Variants in AP3B1 observed in about 807,000 individuals in gnomAD.
The protein encoded by AP3B1 is AP-3 complex subunit beta-1.
AP3B1 carries 61 observed loss-of-function variants against 132.5 expected under a neutral mutation model. The ratio of observed to expected loss-of-function variants is 0.46; its 90% CI spans 0.37 to 0.57. The LOEUF is 0.57. Among genes scored for constraint, AP3B1 ranks in the 20% least tolerant of loss-of-function variants. The pLI is 0.00. For synonymous variants in AP3B1, 388 were observed against 438.3 expected, an observed-to-expected ratio of 0.89 and a Z score of 1.43; for missense variants, 1,120 against 1,289.4, an observed-to-expected ratio of 0.87 and a Z score of 2.01.
intron 2 of AP3B1, among the ~76,000 whole-genome samples, chr5:78,244,872 G>A (rs1183914194): frequency 1.3e-5 from 2 of 152,176 alleles, no homozygotes; most frequent in Admixed American, 1.3e-4. Context: ...GTACGTGCCT[G>A]TAATCCCAGC....
At chr5:78,038,175 G>A (rs988573675) in intron 23 of AP3B1, among the ~76,000 whole-genome samples, 3 of 152,110 alleles carry the variant, frequency 2.0e-5, no homozygotes, top group East Asian at 1.9e-4. Flanking sequence ...CATATTTTAC[G>A]CTCTGCTCCA....
At chr5:78,190,721 A>C (rs1744791841) in intron 7 of AP3B1, among the ~76,000 whole-genome samples, 1 of 152,208 alleles carries the variant, frequency 6.6e-6, no homozygotes, top group Non-Finnish European at 1.5e-5. Flanking sequence ...AGATTGAATC[A>C]GTTTATTGAA....
chr5:78,206,317 G>A (rs1561476770), intron 7 of AP3B1, among the ~76,000 whole-genome samples: 1 of 152,042 alleles, frequency 6.6e-6, no homozygotes, highest in Admixed American at 6.6e-5. Context: ...AACAGGAGGT[G>A]TACTCCTGAG....
At chr5:78,006,854 T>C (rs540679227) in intron 26 of AP3B1, among the ~76,000 whole-genome samples, 2 of 152,354 alleles carry the variant, frequency 1.3e-5, no homozygotes, top group East Asian at 3.9e-4. Flanking sequence ...TCTTTGTCTA[T>C]TATCTCCAGC....
intron 19 of AP3B1, among the ~76,000 whole-genome samples, chr5:78,111,855 A>G (rs1751606379): frequency 6.6e-6 from 1 of 152,158 alleles, no homozygotes; most frequent in South Asian, 2.1e-4. Flanking sequence ...TTATTATCCC[A>G]TTTACAATAA....
chr5:78,146,276 C>T (rs1753388415), intron 14 of AP3B1, among the ~76,000 whole-genome samples: 1 of 152,186 alleles, frequency 6.6e-6, no homozygotes, highest in Non-Finnish European at 1.5e-5. Flanking sequence ...TGCTACATCC[C>T]TCATCACCTT....
intron 6 of AP3B1, among the ~76,000 whole-genome samples, chr5:78,220,597 C>G (rs1288263991): frequency 6.6e-6 from 1 of 151,002 alleles, no homozygotes. Flanking sequence ...GGAAAAGATT[C>G]TTGGTAGATC....
chr5:78,023,109 A>C (rs1194339289), intron 24 of AP3B1, among the ~76,000 whole-genome samples: 11 of 152,214 alleles, frequency 7.2e-5, no homozygotes, highest in Admixed American at 6.5e-4. Context: ...CTGGTGATGA[A>C]TGGAGGGAAG....
chr5:78,226,846 T>C (rs542032659), intron 5 of AP3B1, among the ~76,000 whole-genome samples: 1 of 152,194 alleles, frequency 6.6e-6, no homozygotes, highest in South Asian at 2.1e-4. Flanking sequence ...TTCTAAAATA[T>C]CACACAGATA....
chr5:78,165,731 A>G lies in AP3B1; in HGVS notation c.1168-59T>C, dbSNP rs77076053. 825 of 1,136,264 alleles carry G rather than the reference A, an allele frequency of 7.3e-4. 5 individuals are homozygous for G. The East Asian group carries it at 0.017, about 24-fold the overall frequency. The allele number at this position is 1,136,264 out of a possible 1,614,324, so 70.4% of individuals were successfully genotyped here. ...AAACAAAGGTAGCAAGATGAATTTAATAGAGTACAGACATTTAATTGAAAG... is the reference window on the plus strand; with the variant it reads ...AAACAAAGGTAGCAAGATGAATTTAGTAGAGTACAGACATTTAATTGAAAG... On this transcript the variant is annotated intron_variant, in intron 11 of 26. Coordinates refer to ENST00000255194, the MANE Select transcript of AP3B1 (RefSeq NM_003664.5).
rs1021123097 is a variant in AP3B1 at position 78,002,684 on chromosome 5, T to C, written c.*218A>G. The C allele has an allele frequency of 3.2e-6, 2 of 622,842 alleles. No homozygotes were observed. Among genetic ancestry groups the C allele is most frequent in the African/African-American group, 3.7e-5 (2 of 54,334 alleles). The allele number at this position is 622,842 out of a possible 1,614,324, so 38.6% of individuals were successfully genotyped here. A position where few individuals can be genotyped will look rare whatever the true frequency, so the allele number is the denominator to read the frequency against. ...ATTCAAGAGTTGAGACAACTGACAG[T>C]AAAATATATGCTCTTTGGTTAGCAA... is the stretch of plus-strand genomic sequence containing the variant. On this transcript the variant is annotated 3_prime_UTR_variant, in exon 27 of 27. Coordinates refer to ENST00000255194, the MANE Select transcript of AP3B1 (RefSeq NM_003664.5).
intron 23 of AP3B1, among the ~76,000 whole-genome samples, chr5:78,036,104 C>T (rs1747797888): frequency 6.6e-6 from 1 of 152,082 alleles, no homozygotes; most frequent in Admixed American, 6.5e-5. Flanking sequence ...AGTGACAGCT[C>T]TCAAGATGCC....
chr5:78,159,681 C>A (rs968977025), intron 13 of AP3B1, among the ~76,000 whole-genome samples: 1 of 152,228 alleles, frequency 6.6e-6, no homozygotes, highest in Admixed American at 6.5e-5. Flanking sequence ...CTTAATCAAT[C>A]TGCGAAGTCT....
At chr5:78,191,209 T>C (rs1432877198) in intron 7 of AP3B1, among the ~76,000 whole-genome samples, 1 of 151,818 alleles carries the variant, frequency 6.6e-6, no homozygotes, top group African/African-American at 2.4e-5. Flanking sequence ...CAGTGAGAAC[T>C]AGAAAAGCTG....
At chr5:78,283,298 C>T (rs1749135875) in intron 1 of AP3B1, among the ~76,000 whole-genome samples, 1 of 152,178 alleles carries the variant, frequency 6.6e-6, no homozygotes, top group East Asian at 1.9e-4. Context: ...AACCGTCATA[C>T]CACACTGTCT....
chr5:78,198,993 A>G (rs756398953), intron 7 of AP3B1, among the ~76,000 whole-genome samples: 61 of 152,232 alleles, frequency 4.0e-4, no homozygotes, highest in Non-Finnish European at 8.2e-4. Flanking sequence ...TTCTGTGAAG[A>G]AACTGCTATG....
At chr5:78,216,347 C>A in intron 6 of AP3B1, 110 bp from the exon 7 acceptor site, 1 of 994,216 alleles carries the variant, frequency 1.0e-6, no homozygotes, top group Non-Finnish European at 1.5e-6. Flanking sequence ...TTAAAGTATT[C>A]AGTCATTCAA....
chr5:78,142,306 TC>T (rs903060563), intron 14 of AP3B1, among the ~76,000 whole-genome samples: 70 of 152,360 alleles, frequency 4.6e-4, no homozygotes, highest in African/African-American at 1.6e-3. Context: ...ATTTGCATCC[TC>T]CCCTATTCCA....
intron 26 of AP3B1, among the ~76,000 whole-genome samples, chr5:78,008,577 T>C (rs1746491479): frequency 6.6e-6 from 1 of 152,170 alleles, no homozygotes; most frequent in South Asian, 2.1e-4. Context: ...GCCACCAACC[T>C]GAGAAAGAAC....
Sources: gnomAD v4.1 joint callset for allele counts (sites outside exome capture counted in the v4.1 genomes callset) on GRCh38, gnomAD v4.1.1 for gene constraint, MANE v1.5 for transcripts, NCBI Gene and HGNC (gene_info 2026-07-23, HGNC 2026-07-21) for gene names.